PIGN: variants seen among roughly 807,000 people sequenced by gnomAD.
PIGN encodes the protein phosphatidylinositol glycan anchor biosynthesis class N, also known as GPI ethanolamine phosphate transferase 1.
A neutral mutation model predicts 125.4 loss-of-function variants in PIGN; 117 were observed. The observed-to-expected ratio is 0.93, with a 90% CI of 0.80 to 1.09. The LOEUF is 1.09. PIGN is among the 50% of genes least tolerant of loss of function. The pLI is 0.00. For missense variants in PIGN, 1,075 were observed against 1,094.9 expected, an observed-to-expected ratio of 0.98 and a Z score of 0.26; for synonymous variants, 392 against 377.8, an observed-to-expected ratio of 1.04 and a Z score of -0.44.
intron 30 of PIGN, among the ~76,000 whole-genome samples, chr18:62,057,008 G>A (rs989843416): frequency 2.0e-5 from 3 of 152,108 alleles, no homozygotes; most frequent in Non-Finnish European, 4.4e-5. Context: ...GCTGGCCCCT[G>A]CACCCTTCAC....
At chr18:62,129,401 AG>A (rs990529655) in intron 14 of PIGN, among the ~76,000 whole-genome samples, 1 of 152,204 alleles carries the variant, frequency 6.6e-6, no homozygotes, top group African/African-American at 2.4e-5. Flanking sequence ...TTACTACCTC[AG>A]AAGTGCGTTG....
chr18:62,047,300 T>A (rs934442923), intron 30 of PIGN, among the ~76,000 whole-genome samples: 3 of 152,128 alleles, frequency 2.0e-5, no homozygotes, highest in African/African-American at 7.2e-5. Context: ...GGGAAGCTGG[T>A]ACTTCTGTCC....
At chr18:62,135,655 A>C (rs1599602948) in intron 14 of PIGN, 2 of 109,854 alleles carry the variant, frequency 1.8e-5, no homozygotes, top group African/African-American at 3.7e-5. Flanking sequence ...ACAGGGTCTC[A>C]CTCTGTTGCT....
At chr18:62,062,500 C>T (rs1168069496) in intron 30 of PIGN, among the ~76,000 whole-genome samples, 1 of 152,098 alleles carries the variant, frequency 6.6e-6, no homozygotes, top group Non-Finnish European at 1.5e-5. Context: ...CTGGCTGTGC[C>T]TTTGTCTTCT....
chr18:62,074,851 CT>C, intron 28 of PIGN, 30 bp from the exon 29 acceptor site: 1 of 1,487,300 alleles, frequency 6.7e-7, no homozygotes, highest in Non-Finnish European at 9.3e-7. Flanking sequence ...AAAATTACAT[CT>C]AATACAACAG....
chr18:62,117,634 C>T (rs2035137456), intron 14 of PIGN, among the ~76,000 whole-genome samples: 1 of 151,932 alleles, frequency 6.6e-6, no homozygotes, highest in African/African-American at 2.4e-5. Flanking sequence ...ATTATATCCT[C>T]TATTCTTTTC....
intron 26 of PIGN, among the ~76,000 whole-genome samples, chr18:62,084,979 G>T (rs1021168114): frequency 3.9e-5 from 6 of 152,006 alleles, no homozygotes; most frequent in African/African-American, 1.4e-4. Flanking sequence ...ATGGTGGCGG[G>T]CACCTGTAAT....
At chr18:62,149,648 T>C (rs2036460805) in intron 7 of PIGN, among the ~76,000 whole-genome samples, 2 of 152,300 alleles carry the variant, frequency 1.3e-5, no homozygotes, top group South Asian at 4.1e-4. Context: ...ATAAATATAA[T>C]TCAGTAGGAA....
At chr18:62,084,759 T>TA (rs2033613396) in intron 26 of PIGN, among the ~76,000 whole-genome samples, 153 bp from the exon 27 acceptor site, 1 of 152,226 alleles carries the variant, frequency 6.6e-6, no homozygotes, top group Admixed American at 6.5e-5. Context: ...ATGAACGCAG[T>TA]AGATCCGAAT....
intron 23 of PIGN, among the ~76,000 whole-genome samples, chr18:62,020,131 T>C (rs1273646801): frequency 6.6e-6 from 1 of 152,170 alleles, no homozygotes; most frequent in Non-Finnish European, 1.5e-5. Context: ...CAAAGAACAC[T>C]AGGGAGCTGA....
At chr18:62,030,341 A>C (rs574984596) in intron 23 of PIGN, among the ~76,000 whole-genome samples, 9 of 152,344 alleles carry the variant, frequency 5.9e-5, no homozygotes, top group South Asian at 2.1e-4. Flanking sequence ...TCTCTTCTAC[A>C]TCCTGGATCA....
chr18:62,136,937 C>A, intron 14 of PIGN: 1 of 393,558 alleles, frequency 2.5e-6, no homozygotes, highest in Non-Finnish European at 4.5e-6. Context: ...AGTCAGCTCT[C>A]TTCTTTGCCT....
intron 25 of PIGN, among the ~76,000 whole-genome samples, chr18:62,086,647 C>T (rs983388348): frequency 6.9e-6 from 1 of 143,926 alleles, no homozygotes; most frequent in African/African-American, 2.6e-5. Flanking sequence ...AAAGCCTGAA[C>T]TTTATTGTGG....
chr18:62,126,935 T>C (rs561846765), intron 14 of PIGN, among the ~76,000 whole-genome samples: 1 of 152,282 alleles, frequency 6.6e-6, no homozygotes, highest in South Asian at 2.1e-4. Flanking sequence ...CAACTTCCAT[T>C]GTACCTTAAT....
Position 62,029,870 on chromosome 18 carries a change from C to T in PIGN, c.2143-12129G>A, listed in dbSNP as rs142482439. Reference sequence around the variant, plus strand: ...ATCCAGGACTCATCAACTTTGTTCCCGTATTAGTAGCATCCTGAAGGAGCA... The same window carrying T: ...ATCCAGGACTCATCAACTTTGTTCCTGTATTAGTAGCATCCTGAAGGAGCA... On this transcript the variant is annotated intron_variant, in intron 23 of 24. Transcript: ENST00000639600. Among the ~76,000 whole-genome samples, 221 of 152,296 alleles carry T rather than the reference C, an allele frequency of 1.5e-3. 1 individual carries two copies. The highest frequency in any genetic ancestry group is 5.2e-3 in the African/African-American group (215 of 41,560).
chr18:62,103,409 T>A (rs554977338), intron 20 of PIGN, among the ~76,000 whole-genome samples: 117 of 150,496 alleles, frequency 7.8e-4, no homozygotes, highest in Non-Finnish European at 1.5e-3. Flanking sequence ...CTTGGTATTT[T>A]CCTCAGCTGC....
chr18:62,074,977 G>A, intron 28 of PIGN, 156 bp from the exon 29 acceptor site: 1 of 553,448 alleles, frequency 1.8e-6, no homozygotes, highest in African/African-American at 1.9e-5. Flanking sequence ...ATTATCATGG[G>A]TGACCATACC....
At chr18:62,111,928 T>C (rs1352035114) in intron 16 of PIGN, among the ~76,000 whole-genome samples, 1 of 152,170 alleles carries the variant, frequency 6.6e-6, no homozygotes, top group Admixed American at 6.5e-5. Flanking sequence ...CTTGTTAACA[T>C]ATCAATATAA....
chr18:62,132,961 A>T (rs912564398), intron 14 of PIGN, among the ~76,000 whole-genome samples: 1 of 152,188 alleles, frequency 6.6e-6, no homozygotes, highest in Non-Finnish European at 1.5e-5. Flanking sequence ...TCCCAAACTT[A>T]TGAGAGTTTG....
Sources: gnomAD v4.1 joint callset for allele counts (sites outside exome capture counted in the v4.1 genomes callset) on GRCh38, gnomAD v4.1.1 for gene constraint, MANE v1.5 for transcripts, NCBI Gene and HGNC (gene_info 2026-07-23, HGNC 2026-07-21) for gene names.